Variants in NCR3LG1 observed in about 807,000 individuals in gnomAD.
NCR3LG1 encodes the protein natural killer cell cytotoxicity receptor 3 ligand 1.
A neutral mutation model predicts 34.8 loss-of-function variants in NCR3LG1; 35 were observed. The ratio of observed to expected loss-of-function variants is 1.01; its 90% CI spans 0.77 to 1.33. The LOEUF (loss-of-function observed/expected upper bound fraction) is 1.33, where lower values mean the gene tolerates loss of function less well. Ranked by LOEUF, NCR3LG1 falls within the 40% of genes most tolerant of loss-of-function variation. NCR3LG1 has a pLI of 0.00. For missense variants in NCR3LG1, 452 were observed against 423.3 expected (o/e 1.07, Z -0.60); for synonymous variants, 173 against 163.6 (o/e 1.06, Z -0.44).
intron 1 of NCR3LG1, among the ~76,000 whole-genome samples, chr11:17,354,534 C>A (rs1234148805): frequency 6.9e-6 from 1 of 144,994 alleles, no homozygotes; most frequent in Non-Finnish European, 1.5e-5. Flanking sequence ...TCCGACCCCC[C>A]AATTCTTCTT....
chr11:17,372,384 C>T lies in NCR3LG1; in HGVS notation c.1237C>T (p.His413Tyr). The T allele has an allele frequency of 1.4e-6, 1 of 703,152 alleles. No homozygotes were observed. The highest frequency in any genetic ancestry group is 2.7e-5 in the East Asian group (1 of 37,292). 43.6% of individuals were successfully genotyped at this position (703,152 alleles called of 1,614,324 possible). Residue 413 changes from histidine to tyrosine, a missense_variant, in exon 5 of 5, where the codon CAC becomes TAC. Transcript: ENST00000338965. ...GTCTGAGAAACAAACCCCTAGGGAACACTCGGATGCAGTTCCGGATGCCCC... is the reference window on the plus strand; with the variant it reads ...GTCTGAGAAACAAACCCCTAGGGAATACTCGGATGCAGTTCCGGATGCCCC... The part of the protein sequence containing the change: ...TKSEKQTPRE[H>Y]SDAVPDAPIL...
rs1005115969 is a variant in NCR3LG1 at position 17,366,950 on chromosome 11, G to C, written c.422-59G>C. ...TATGGTAGAAGCCAGTTAGCATAAGGTGTGGTGGGGATAAAAGGGTGCTGG... is the reference window on the plus strand; with the variant it reads ...TATGGTAGAAGCCAGTTAGCATAAGCTGTGGTGGGGATAAAAGGGTGCTGG... On this transcript the variant is annotated intron_variant, in intron 2 of 4. Transcript: ENST00000338965. 9.6e-6 allele frequency: 12 copies of C among 1,253,224 alleles called. No individual in the cohort carries two copies. The African/African-American group carries it at 1.6e-4, about 17-fold the overall frequency. The allele number at this position is 1,253,224 out of a possible 1,614,324, so 77.6% of individuals were successfully genotyped here. A position where few individuals can be genotyped will look rare whatever the true frequency, so the allele number is the denominator to read the frequency against.
chr11:17,380,575 T>G (rs1471910329), downstream of NCR3LG1: 1 of 152,116 alleles, frequency 6.6e-6, no homozygotes, highest in Non-Finnish European at 1.5e-5. Context: ...AACCTCCACC[T>G]CCTGGGCTCA....
downstream of NCR3LG1, among the ~76,000 whole-genome samples, chr11:17,379,305 G>A (rs144195761): frequency 3.9e-5 from 6 of 152,294 alleles, no homozygotes; most frequent in East Asian, 7.7e-4. Context: ...CAGCAATGAT[G>A]CTTATGGAAA....
rs568332255 is a variant in NCR3LG1 at position 17,364,632 on chromosome 11, C to T, written c.422-2377C>T. ...CGTGATCTCAGGTCACTGCAACCTC[C>T]GCCTCCTGGGTTCAAGTGATTATCC... On this transcript the variant is annotated intron_variant, in intron 2 of 4. Transcript: ENST00000338965. 1.6e-4 allele frequency among the ~76,000 whole-genome samples: 25 copies of T among 152,128 alleles called. No individual in the cohort carries two copies. In the East Asian group the frequency reaches 3.7e-3, roughly 22 times the overall value.
At chr11:17,357,570 G>A (rs1953224850) in intron 2 of NCR3LG1, among the ~76,000 whole-genome samples, 1 of 152,040 alleles carries the variant, frequency 6.6e-6, no homozygotes, top group African/African-American at 2.4e-5. Context: ...TAGTAATTTT[G>A]GGAGTGAGAG....
At chr11:17,363,138 G>A (rs1186080001) in intron 2 of NCR3LG1, among the ~76,000 whole-genome samples, 1 of 146,910 alleles carries the variant, frequency 6.8e-6, no homozygotes, top group East Asian at 2.0e-4. Flanking sequence ...GCCCAGACTC[G>A]TCTTGAACTC....
At position 17,374,494 on chromosome 11, in the gene NCR3LG1, CG is replaced by C. The variant is rs1246021078; in HGVS notation, c.*1984del. 4 of 152,146 alleles carry C rather than the reference CG, an allele frequency of 2.6e-5. No individual in the cohort carries two copies. The highest frequency in any genetic ancestry group is 1.3e-4 in the Admixed American group (2 of 15,270). The allele number at this position is 152,146 out of a possible 1,614,324, so 9.4% of individuals were successfully genotyped here. ...CCCCAACTGAGGAAGTTTCTTGAGA[CG>C]GCACTGAGGCTCTCCTTAATTTCCT... On this transcript the variant is annotated 3_prime_UTR_variant, in exon 5 of 5. Transcript: ENST00000338965.
At chr11:17,358,881 G>A (rs1354502305) in intron 2 of NCR3LG1, among the ~76,000 whole-genome samples, 2 of 152,084 alleles carry the variant, frequency 1.3e-5, no homozygotes, top group Non-Finnish European at 2.9e-5. Flanking sequence ...TGGCTCTTGT[G>A]TCACATTGAC....
intron 4 of NCR3LG1, among the ~76,000 whole-genome samples, chr11:17,370,514 G>C (rs936860356): frequency 6.6e-6 from 1 of 152,210 alleles, no homozygotes; most frequent in Non-Finnish European, 1.5e-5. Flanking sequence ...AAAGCTTTTA[G>C]AGCGGCTGCC....
chr11:17,363,782 A>C (rs545549262), intron 2 of NCR3LG1, among the ~76,000 whole-genome samples: 1 of 151,768 alleles, frequency 6.6e-6, no homozygotes, highest in East Asian at 1.9e-4. Flanking sequence ...TTTTTTGTAG[A>C]GATGGTGTTT....
chr11:17,357,004 G>A lies in NCR3LG1; in HGVS notation c.421+3G>A, dbSNP rs1202308250. The A allele has an allele frequency of 1.3e-6, 2 of 1,505,158 alleles. No homozygotes were observed. The highest frequency in any genetic ancestry group is 4.2e-5 in the Admixed American group (2 of 48,104). 93.2% of individuals were successfully genotyped at this position (1,505,158 alleles called of 1,614,324 possible). On this transcript the variant is annotated splice_donor_region_variant and intron_variant, in intron 2 of 4. Transcript: ENST00000338965. ...AACAGTCCAGCTTGAAGTTGTGGGT[G>A]AGTGTCTCGGGGCAGTGCCCTACAG...
chr11:17,361,289 ATTT>A (rs60695188), intron 2 of NCR3LG1, among the ~76,000 whole-genome samples: 7 of 140,636 alleles, frequency 5.0e-5, no homozygotes, highest in Admixed American at 1.4e-4. Context: ...AAAAATTGAC[ATTT>A]TTTTTTTTTT....
At chr11:17,362,882 G>GCTCCC (rs1265367608) in intron 2 of NCR3LG1, among the ~76,000 whole-genome samples, 3 of 53,932 alleles carry the variant, frequency 5.6e-5, no homozygotes, top group African/African-American at 1.7e-4. Flanking sequence ...CCTCCCCTCC[G>GCTCCC]CTCCCCTCCC....
At chr11:17,356,304 A>AT (rs1359006329) in intron 1 of NCR3LG1, among the ~76,000 whole-genome samples, 1 of 151,148 alleles carries the variant, frequency 6.6e-6, no homozygotes, top group Non-Finnish European at 1.5e-5. Context: ...CGCCTGGCTA[A>AT]TTTTTTGTAT....
At chr11:17,356,512 C>T (rs1443069695) in intron 1 of NCR3LG1, 139 bp from the exon 2 acceptor site, 9 of 639,878 alleles carry the variant, frequency 1.4e-5, no homozygotes, top group Non-Finnish European at 2.4e-5. Flanking sequence ...TTCCCAAAGG[C>T]CCTGCCTCCA....
chr11:17,371,817 G>T (rs1953408654), intron 4 of NCR3LG1, among the ~76,000 whole-genome samples, 189 bp from the exon 5 acceptor site: 1 of 152,176 alleles, frequency 6.6e-6, no homozygotes, highest in African/African-American at 2.4e-5. Context: ...GCACAAGCTA[G>T]CTCCTCCGGA....
chr11:17,353,414 T>C (rs978236092), intron 1 of NCR3LG1, among the ~76,000 whole-genome samples: 1 of 152,040 alleles, frequency 6.6e-6, no homozygotes, highest in African/African-American at 2.4e-5. Context: ...TTGAAACGCC[T>C]GTCACTGCGG....
chr11:17,360,629 A>T (rs1302642645), intron 2 of NCR3LG1, among the ~76,000 whole-genome samples: 1 of 151,026 alleles, frequency 6.6e-6, no homozygotes, highest in Non-Finnish European at 1.5e-5. Context: ...ATGAACACCT[A>T]ATTGTTCCAG....
Sources: allele counts gnomAD v4.1 joint callset (sites outside exome capture counted in the v4.1 genomes callset), GRCh38; gene constraint gnomAD v4.1.1; transcripts MANE v1.5; gene names NCBI Gene and HGNC (gene_info 2026-07-23, HGNC 2026-07-21).